The following NBR1 variants were observed in gnomAD, a reference collection of about 807,000 sequenced individuals.
The protein encoded by NBR1 is next to BRCA1 gene 1 protein.
NBR1 carries 59 observed loss-of-function variants against 115.5 expected under a neutral mutation model. That is an observed-to-expected ratio of 0.51 (90% CI 0.41 to 0.63). The LOEUF (loss-of-function observed/expected upper bound fraction) is 0.63. Among genes scored for constraint, NBR1 ranks in the 30% least tolerant of loss-of-function variants. The probability of loss-of-function intolerance (pLI) is 0.00; values close to 1 mark genes in which losing one functional copy is unlikely to be tolerated. For missense variants in NBR1, 1,043 were observed against 1,150.5 expected, an observed-to-expected ratio of 0.91 and a Z score of 1.35; for synonymous variants, 373 against 414.7, an observed-to-expected ratio of 0.90 and a Z score of 1.22.
At position 43,186,235 on chromosome 17, in the gene NBR1, A is replaced by G. The variant is rs1331366664; in HGVS notation, c.208-15A>G. On this transcript the variant is annotated splice_polypyrimidine_tract_variant and intron_variant, in intron 5 of 20. Transcript: ENST00000590996. ...ATCACGTCGCATGTTTTTGTTTCAT[A>G]ATGTATGCTCTTAGATGGCAGTTAA... The G allele has an allele frequency of 1.9e-6, 3 of 1,549,902 alleles. No individual in the cohort carries two copies. The highest frequency in any genetic ancestry group is 4.8e-5 in the East Asian group (2 of 41,398).
chr17:43,188,808 T>G (rs1013629792), intron 6 of NBR1, among the ~76,000 whole-genome samples: 2 of 152,192 alleles, frequency 1.3e-5, no homozygotes, highest in Non-Finnish European at 2.9e-5. Flanking sequence ...ATCAGAGATT[T>G]GGGAATTAGT....
intron 4 of NBR1, among the ~76,000 whole-genome samples, chr17:43,180,240 A>G (rs1456567969): frequency 2.0e-5 from 3 of 152,218 alleles, no homozygotes; most frequent in Non-Finnish European, 4.4e-5. Context: ...TATGGACATC[A>G]TAGAGTGTAC....
intron 5 of NBR1, among the ~76,000 whole-genome samples, chr17:43,182,278 C>T (rs1337560553): frequency 2.4e-5 from 3 of 126,132 alleles, no homozygotes; most frequent in Non-Finnish European, 4.7e-5. Flanking sequence ...AGTGCGGTGG[C>T]GCAATCTTGG....
intron 20 of NBR1, chr17:43,209,568 C>T (rs747181123): frequency 1.1e-5 from 17 of 1,534,914 alleles, no homozygotes; most frequent in Non-Finnish European, 1.5e-5. Flanking sequence ...GTCTCTGGGG[C>T]TTGCTGTCAT....
intron 3 of NBR1, among the ~76,000 whole-genome samples, chr17:43,178,596 C>T (rs190264779): frequency 4.8e-4 from 71 of 149,102 alleles, no homozygotes; most frequent in African/African-American, 1.7e-4. Flanking sequence ...AAGCTGGTCT[C>T]GAACTCCTGG....
Position 43,190,767 on chromosome 17 carries a change from A to C in NBR1, c.854A>C (p.Glu285Ala). 1 of 1,600,796 alleles carries C rather than the reference A, an allele frequency of 6.2e-7. No individual in the cohort carries two copies. The highest frequency in any genetic ancestry group is 2.2e-5 in the East Asian group (1 of 44,710). ...ACTCCTCGTCTTCCTGCTGCTCTGGAACAAGTCAGGTAAAACCCTCTACAT... is the reference window on the plus strand; with the variant it reads ...ACTCCTCGTCTTCCTGCTGCTCTGGCACAAGTCAGGTAAAACCCTCTACAT... Reference protein sequence around the residue: ...YSTPRLPAALEQVRLQKQVDK... With the variant: ...YSTPRLPAALAQVRLQKQVDK... Residue 285 changes from glutamate (E) to alanine (A), a missense_variant, in exon 9 of 21, where the codon GAA (glutamate) becomes GCA (alanine). Physicochemically the swap from Glu to Ala is moderately radical, Grantham distance 107. Transcript: ENST00000590996.
rs756792717 is a variant in NBR1, at chr17:43,186,255, A to G, written c.213A>G (p.Ala71=). Residue 71 remains alanine (A), a synonymous_variant, in exon 6 of 21, where the codon GCA becomes GCG. Transcript: ENST00000590996. ...TTCATAATGTATGCTCTTAGATGGC[A>G]GTTAAACAGGGAAACCAACTGCAGA... ...QGEYEEALKM[A]VKQGNQLQMQ... is the part of the protein sequence containing the mutation. The G allele has an allele frequency of 8.9e-6, 14 of 1,569,274 alleles. No individual in the cohort carries two copies. Among genetic ancestry groups the G allele is most frequent in the Non-Finnish European group, 1.2e-5 (14 of 1,157,532 alleles).
chr17:43,208,568 G>A (rs1248981157), intron 20 of NBR1, among the ~76,000 whole-genome samples: 1 of 152,198 alleles, frequency 6.6e-6, no homozygotes, highest in Non-Finnish European at 1.5e-5. Flanking sequence ...CAGTTGGTAA[G>A]TAAATGGAAG....
chr17:43,201,904 G>A, intron 18 of NBR1, 124 bp downstream of exon 18: 1 of 634,490 alleles, frequency 1.6e-6, no homozygotes, highest in South Asian at 2.0e-5. Flanking sequence ...CACAGGCCAG[G>A]CGTGGTGGCT....
intron 20 of NBR1, among the ~76,000 whole-genome samples, chr17:43,205,127 G>A (rs574227491): frequency 2.0e-5 from 3 of 152,052 alleles, no homozygotes; most frequent in East Asian, 1.9e-4. Flanking sequence ...AGGCTGAGGC[G>A]GGCGGATCGT....
intron 18 of NBR1, 118 bp from the exon 19 acceptor site, chr17:43,202,537 A>AG: frequency 1.6e-6 from 1 of 629,150 alleles, no homozygotes; most frequent in Admixed American, 3.3e-5. Flanking sequence ...AAAAAAAAAA[A>AG]AAGACTTCAA....
intron 6 of NBR1, 116 bp from the exon 7 acceptor site, chr17:43,188,925 TA>T: frequency 1.4e-6 from 1 of 728,204 alleles, no homozygotes. Context: ...TGTGACTTTT[TA>T]AAAAATTATA....
intron 1 of NBR1, among the ~76,000 whole-genome samples, chr17:43,173,183 C>T (rs2056419823): frequency 6.6e-6 from 1 of 152,074 alleles, no homozygotes; most frequent in Non-Finnish European, 1.5e-5. Flanking sequence ...CAGGGTCTGG[C>T]TTTGTTGCCC....
At chr17:43,182,489 G>A (rs1233624941) in intron 5 of NBR1, among the ~76,000 whole-genome samples, 1 of 151,550 alleles carries the variant, frequency 6.6e-6, no homozygotes, top group East Asian at 1.9e-4. Flanking sequence ...CCAAGGTGCT[G>A]GGATTACAGG....
chr17:43,173,846 C>T (rs2056439292), intron 1 of NBR1, among the ~76,000 whole-genome samples: 1 of 150,394 alleles, frequency 6.6e-6, no homozygotes, highest in Non-Finnish European at 1.5e-5. Context: ...CCCCCACCCC[C>T]GCAGACCACG....
At chr17:43,179,495 T>C (rs1234197790) in intron 4 of NBR1, 83 bp downstream of exon 4, 1 of 1,274,832 alleles carries the variant, frequency 7.8e-7, no homozygotes, top group African/African-American at 1.5e-5. Flanking sequence ...ACTCAAACCT[T>C]ATTGCAGTAT....
intron 16 of NBR1, among the ~76,000 whole-genome samples, chr17:43,197,479 A>G (rs1015343821): frequency 6.6e-6 from 1 of 151,646 alleles, no homozygotes; most frequent in Non-Finnish European, 1.5e-5. Flanking sequence ...AGATTGCGCC[A>G]CTGCACTCTA....
intron 1 of NBR1, 79 bp from the exon 2 acceptor site, chr17:43,175,712 T>C: frequency 9.1e-6 from 6 of 656,706 alleles, no homozygotes; most frequent in Non-Finnish European, 8.0e-6. Context: ...AAGTATTTGC[T>C]GAGTGAACTT....
At chr17:43,207,111 A>C (rs150333296) in intron 20 of NBR1, among the ~76,000 whole-genome samples, 90 of 152,284 alleles carry the variant, frequency 5.9e-4, no homozygotes, top group African/African-American at 2.0e-3. Context: ...TTTCTGGCTT[A>C]GTACCATTCA....
Sources: allele counts gnomAD v4.1 joint callset (sites outside exome capture counted in the v4.1 genomes callset), GRCh38; gene constraint gnomAD v4.1.1; transcripts MANE v1.5; gene names NCBI Gene and HGNC (gene_info 2026-07-23, HGNC 2026-07-21).